C8orf34: variants seen among roughly 807,000 people sequenced by gnomAD.
The protein encoded by C8orf34 is uncharacterized protein C8orf34.
A neutral mutation model predicts 68.3 loss-of-function variants in C8orf34; 65 were observed. The observed-to-expected ratio is 0.95, with a 90% CI of 0.78 to 1.17. C8orf34 has a LOEUF of 1.17. Among genes scored for constraint, C8orf34 ranks in the 50% most tolerant of loss-of-function variants. C8orf34 has a pLI of 0.00. For synonymous variants in C8orf34, 244 were observed against 241.2 expected (o/e 1.01, Z -0.11); for missense variants, 664 against 655.4 (o/e 1.01, Z -0.14).
intron 8 of C8orf34, among the ~76,000 whole-genome samples, chr8:68,678,671 A>G (rs1820267335): frequency 6.6e-6 from 1 of 152,162 alleles, no homozygotes. Context: ...GCTTTTCTCT[A>G]AGATCTGGAA....
intron 4 of C8orf34, among the ~76,000 whole-genome samples, chr8:68,472,641 A>G (rs1018824430): frequency 2.0e-5 from 3 of 152,116 alleles, no homozygotes; most frequent in Admixed American, 2.0e-4. Context: ...TCAGCTAAGC[A>G]TTTTCCAGTA....
Position 68,712,387 on chromosome 8 carries a change from T to C in C8orf34, c.1327+3308T>C, listed in dbSNP as rs561588132. ...TGTCTTAAATGCTCCACTTAAAATA[T>C]ACAAAATGGCAAAATGGATAAGAAT... is the stretch of plus-strand genomic sequence containing the variant. On this transcript the variant is annotated intron_variant, in intron 9 of 13. Transcript: ENST00000518698. Among the ~76,000 whole-genome samples the C allele has an allele frequency of 3.9e-5, 6 of 152,246 alleles. No individual in the cohort carries two copies. In the South Asian group the frequency reaches 6.2e-4, roughly 16 times the overall value.
At chr8:68,747,834 C>T (rs897008298) in intron 10 of C8orf34, among the ~76,000 whole-genome samples, 13 of 151,610 alleles carry the variant, frequency 8.6e-5, no homozygotes, top group African/African-American at 1.2e-4. Context: ...AGATTCAATG[C>T]CATCCCCATC....
chr8:68,795,413 A>T (rs1824151181), intron 12 of C8orf34, among the ~76,000 whole-genome samples: 1 of 151,382 alleles, frequency 6.6e-6, no homozygotes, highest in South Asian at 2.1e-4. Context: ...TGAAAACTGG[A>T]CATGTAATAT....
intron 7 of C8orf34, among the ~76,000 whole-genome samples, chr8:68,595,294 C>T (rs540556611): frequency 2.0e-5 from 3 of 151,842 alleles, no homozygotes; most frequent in Admixed American, 2.0e-4. Flanking sequence ...GTCAATTGAT[C>T]TTTGATACAA....
At chr8:68,600,163 G>A (rs750747356) in intron 7 of C8orf34, among the ~76,000 whole-genome samples, 3 of 151,962 alleles carry the variant, frequency 2.0e-5, no homozygotes, top group Non-Finnish European at 2.9e-5. Flanking sequence ...GTTGCTCTAG[G>A]TATTACAATA....
At chr8:68,660,112 A>G (rs780067451) in intron 8 of C8orf34, among the ~76,000 whole-genome samples, 1 of 152,174 alleles carries the variant, frequency 6.6e-6, no homozygotes, top group Non-Finnish European at 1.5e-5. Flanking sequence ...TGTCTGTGGT[A>G]CAGGGACACA....
intron 4 of C8orf34, among the ~76,000 whole-genome samples, chr8:68,473,754 A>C (rs191898723): frequency 6.6e-6 from 1 of 152,186 alleles, no homozygotes; most frequent in East Asian, 1.9e-4. Context: ...TACTCCTCAA[A>C]CTAATTATAA....
chr8:68,345,937 T>A (rs1806264610), intron 1 of C8orf34, among the ~76,000 whole-genome samples: 1 of 152,084 alleles, frequency 6.6e-6, no homozygotes, highest in Admixed American at 6.6e-5. Flanking sequence ...CAGGCCACAT[T>A]TTCTGACCAC....
chr8:68,777,595 T>C (rs1164900873), intron 11 of C8orf34, among the ~76,000 whole-genome samples: 2 of 152,162 alleles, frequency 1.3e-5, no homozygotes, highest in Non-Finnish European at 2.9e-5. Context: ...TACAAAATCT[T>C]GGGGCTCAGC....
At chr8:68,607,776 G>A (rs1817898064) in intron 7 of C8orf34, among the ~76,000 whole-genome samples, 1 of 152,012 alleles carries the variant, frequency 6.6e-6, no homozygotes, top group Non-Finnish European at 1.5e-5. Context: ...TTTCTTACCC[G>A]CTGCTTTTGT....
At position 68,452,927 on chromosome 8, in the gene C8orf34, G is replaced by T. The variant is rs1347228546; in HGVS notation, c.607+6467G>T. Among the ~76,000 whole-genome samples the T allele has an allele frequency of 2.0e-5, 3 of 151,650 alleles. No homozygotes were observed. In the East Asian group the frequency reaches 5.8e-4, roughly 29 times the overall value. On this transcript the variant is annotated intron_variant, in intron 3 of 13. Transcript: ENST00000518698. ...TACATGTGGGTAGTTGTTCCATTTT[G>T]AGTTAATTTTTGCATATAGCAGATG...
At chr8:68,622,945 A>G (rs1006410327) in intron 7 of C8orf34, among the ~76,000 whole-genome samples, 6 of 152,202 alleles carry the variant, frequency 3.9e-5, no homozygotes, top group African/African-American at 1.4e-4. Flanking sequence ...ATCTGATGAA[A>G]TACTGGACTG....
rs1160845483 is a variant in C8orf34 at position 68,567,577 on chromosome 8, C to CTTTT, written c.1105+34460_1105+34463dup. Among the ~76,000 whole-genome samples, 179 of 29,798 alleles carry CTTTT rather than the reference C, an allele frequency of 6.0e-3. 44 individuals are homozygous for CTTTT. The highest frequency in any genetic ancestry group is 0.026 in the East Asian group (17 of 644). 19.5% of individuals were successfully genotyped at this position (29,798 alleles called of 152,430 possible). A position where few individuals can be genotyped will look rare whatever the true frequency, so the allele number is the denominator to read the frequency against. On this transcript the variant is annotated intron_variant, in intron 7 of 13. Coordinates refer to ENST00000518698, the MANE Select transcript of C8orf34 (RefSeq NM_052958.4). ...TCTTTTCAAATTTTGTTTCATTTATCTTTTTTTTTTTTTTTTTTTTTTTTT... is the reference window on the plus strand; with the variant it reads ...TCTTTTCAAATTTTGTTTCATTTATCTTTTTTTTTTTTTTTTTTTTTTTTTTTTT...
intron 7 of C8orf34, chr8:68,534,456 G>A: frequency 1.4e-6 from 1 of 692,080 alleles, no homozygotes; most frequent in Non-Finnish European, 1.8e-6. Context: ...ATTTTACATT[G>A]TAATGTTCAA....
intron 8 of C8orf34, among the ~76,000 whole-genome samples, chr8:68,677,428 G>A (rs1234008342): frequency 6.6e-6 from 1 of 151,894 alleles, no homozygotes; most frequent in Non-Finnish European, 1.5e-5. Flanking sequence ...GTGTGATATT[G>A]GCTCATTGCA....
intron 11 of C8orf34, among the ~76,000 whole-genome samples, chr8:68,779,186 C>T (rs888080445): frequency 4.1e-5 from 1 of 24,372 alleles, no homozygotes; most frequent in Non-Finnish European, 7.3e-5. Flanking sequence ...CTGAAACACA[C>T]ACACACACAC....
At chr8:68,502,152 G>T (rs541095179) in intron 5 of C8orf34, among the ~76,000 whole-genome samples, 1 of 152,026 alleles carries the variant, frequency 6.6e-6, no homozygotes, top group South Asian at 2.1e-4. Context: ...TGTAACCTCC[G>T]CCTCCCAGGT....
At chr8:68,443,762 A>T (rs1401423718) in intron 2 of C8orf34, among the ~76,000 whole-genome samples, 1 of 152,102 alleles carries the variant, frequency 6.6e-6, no homozygotes, top group South Asian at 2.1e-4. Context: ...CATGGGTATC[A>T]TACTTTTCAG....
Sources: gnomAD v4.1 joint callset for allele counts (sites outside exome capture counted in the v4.1 genomes callset) on GRCh38, gnomAD v4.1.1 for gene constraint, MANE v1.5 for transcripts, NCBI Gene and HGNC (gene_info 2026-07-23, HGNC 2026-07-21) for gene names.